NXNL2: variants seen among roughly 807,000 people sequenced by gnomAD.
NXNL2 encodes nucleoredoxin like 2.
In NXNL2, 7 loss-of-function variants were observed where a neutral mutation model predicts 11.1. That is an observed-to-expected ratio of 0.63 (90% CI 0.36 to 1.18). The LOEUF (loss-of-function observed/expected upper bound fraction) is 1.18, where lower values mean the gene tolerates loss of function less well. Ranked by LOEUF, NXNL2 falls within the 50% of genes most tolerant of loss-of-function variation. NXNL2 has a pLI of 0.02. For missense variants in NXNL2, 233 were observed against 217.7 expected, an observed-to-expected ratio of 1.07 and a Z score of -0.44; for synonymous variants, 109 against 101.8, an observed-to-expected ratio of 1.07 and a Z score of -0.42.
chr9:88,557,755 A>C (rs1196107790), intron 1 of NXNL2, among the ~76,000 whole-genome samples: 2 of 152,210 alleles, frequency 1.3e-5, no homozygotes, highest in Non-Finnish European at 2.9e-5. Flanking sequence ...ACCAGCAGCC[A>C]CTCATCAGAA....
downstream of NXNL2, among the ~76,000 whole-genome samples, chr9:88,577,264 C>T (rs1477389698): frequency 6.6e-6 from 1 of 151,660 alleles, no homozygotes; most frequent in East Asian, 1.9e-4. Flanking sequence ...CTTATTTCTA[C>T]TGCTCATGGA....
chr9:88,569,255 T>C (rs1830224826), intron 1 of NXNL2, among the ~76,000 whole-genome samples: 1 of 152,238 alleles, frequency 6.6e-6, no homozygotes, highest in Non-Finnish European at 1.5e-5. Flanking sequence ...TTAATGTTTT[T>C]TCCATACAAG....
chr9:88,555,721 C>G (rs1052115793), intron 1 of NXNL2, among the ~76,000 whole-genome samples: 1 of 152,170 alleles, frequency 6.6e-6, no homozygotes, highest in Non-Finnish European at 1.5e-5. Flanking sequence ...TGCCTTTGCT[C>G]GGGCTTTGCT....
chr9:88,568,625 A>G (rs1830213631), intron 1 of NXNL2, among the ~76,000 whole-genome samples: 1 of 152,182 alleles, frequency 6.6e-6, no homozygotes. Context: ...TGTTTGTCCT[A>G]TCAAGCTATT....
chr9:88,549,824 G>T (rs1587845949), downstream of NXNL2, among the ~76,000 whole-genome samples: 6 of 152,238 alleles, frequency 3.9e-5, no homozygotes, highest in South Asian at 1.2e-3. Context: ...GAGGGGGAAG[G>T]TGCCACACAC....
intron 1 of NXNL2, among the ~76,000 whole-genome samples, 183 bp downstream of exon 1, chr9:88,535,919 C>T (rs988996751): frequency 6.6e-6 from 1 of 152,076 alleles, no homozygotes; most frequent in African/African-American, 2.4e-5. Flanking sequence ...TCTTGGAGAC[C>T]AGGGAGGGTG....
intron 1 of NXNL2, among the ~76,000 whole-genome samples, chr9:88,543,368 G>A (rs1217903447): frequency 6.6e-6 from 1 of 151,810 alleles, no homozygotes; most frequent in Non-Finnish European, 1.5e-5. Flanking sequence ...CTGGGCTCAA[G>A]CGATCCTCCC....
intron 2 of NXNL2, among the ~76,000 whole-genome samples, chr9:88,574,041 C>A (rs986290353): frequency 9.9e-5 from 15 of 152,128 alleles, no homozygotes; most frequent in African/African-American, 3.6e-4. Context: ...CATGGTGCAG[C>A]CTCTTTGTAA....
chr9:88,568,931 G>T (rs957527131), intron 1 of NXNL2, among the ~76,000 whole-genome samples: 6 of 150,228 alleles, frequency 4.0e-5, no homozygotes, highest in African/African-American at 1.5e-4. Context: ...ATCTCTTGAT[G>T]AATTTTTTTT....
Position 88,535,325 on chromosome 9 carries a change from C to T in NXNL2, c.-110C>T. 9 of 1,150,450 alleles carry T rather than the reference C, an allele frequency of 7.8e-6. No homozygotes were observed. The highest frequency in any genetic ancestry group is 3.2e-5 in the South Asian group (2 of 62,600). 71.3% of individuals were successfully genotyped at this position (1,150,450 alleles called of 1,614,324 possible). On this transcript the variant is annotated 5_prime_UTR_variant, in exon 1 of 2. Coordinates refer to ENST00000375854, the MANE Select transcript of NXNL2 (RefSeq NM_001161625.2). ...GGGGCAGGTCTTGAGAGGTCCAGCG[C>T]CCGGTGGTGCGGACAGAGGCGGGGC...
At chr9:88,571,185 C>T (rs1448881552) in exon 2 of NXNL2, 2 of 303,364 alleles carry the variant, frequency 6.6e-6, no homozygotes, top group Non-Finnish European at 1.3e-5. Context: ...CTAGCCTTAG[C>T]CTCCTGAGCA....
chr9:88,563,697 C>A (rs1468446790), intron 1 of NXNL2, among the ~76,000 whole-genome samples: 1 of 152,198 alleles, frequency 6.6e-6, no homozygotes, highest in African/African-American at 2.4e-5. Flanking sequence ...TCCCCTATTT[C>A]TCTGCACCTC....
At position 88,563,465 on chromosome 9, in the gene NXNL2, C is replaced by A. The variant is rs568919413; in HGVS notation, c.303-7622C>A. On this transcript the variant is annotated intron_variant, in intron 1 of 2. Coordinates refer to the NXNL2 transcript ENST00000375855. Reference sequence around the variant, plus strand: ...CCGGTGCTTTAGGAGGCATCTATCTCGAACCGCCCACTCCCACCCTCCTTG... The same window carrying A: ...CCGGTGCTTTAGGAGGCATCTATCTAGAACCGCCCACTCCCACCCTCCTTG... Among the ~76,000 whole-genome samples, 5 of 152,200 alleles carry A rather than the reference C, an allele frequency of 3.3e-5. No individual in the cohort carries two copies. The South Asian group carries it at 1.0e-3, about 32-fold the overall frequency.
At chr9:88,543,607 A>C (rs1218532308) in intron 1 of NXNL2, among the ~76,000 whole-genome samples, 1 of 152,206 alleles carries the variant, frequency 6.6e-6, no homozygotes, top group East Asian at 1.9e-4. Context: ...GATATTTTTC[A>C]ACCCCTTGAG....
At position 88,535,326 on chromosome 9, in the gene NXNL2, C is replaced by T. The variant is rs1280766352; in HGVS notation, c.-109C>T. Reference sequence around the variant, plus strand: ...GGGCAGGTCTTGAGAGGTCCAGCGCCCGGTGGTGCGGACAGAGGCGGGGCA... The same window carrying T: ...GGGCAGGTCTTGAGAGGTCCAGCGCTCGGTGGTGCGGACAGAGGCGGGGCA... On this transcript the variant is annotated 5_prime_UTR_variant, in exon 1 of 2. Transcript: ENST00000375854. 24 of 1,155,816 alleles carry T rather than the reference C, an allele frequency of 2.1e-5. No individual in the cohort carries two copies. Among genetic ancestry groups the T allele is most frequent in the East Asian group, 1.5e-4 (6 of 39,248 alleles). The allele number at this position is 1,155,816 out of a possible 1,614,324, so 71.6% of individuals were successfully genotyped here. A position where few individuals can be genotyped will look rare whatever the true frequency, so the allele number is the denominator to read the frequency against.
chr9:88,572,194 T>C (rs1830276853), intron 2 of NXNL2, among the ~76,000 whole-genome samples: 1 of 152,168 alleles, frequency 6.6e-6, no homozygotes, highest in African/African-American at 2.4e-5. Flanking sequence ...TTAGTGTTGT[T>C]TCTGGGGCGT....
rs1829825114 is a variant in NXNL2, at chr9:88,544,715, C to T, written c.*168C>T. 1 of 1,397,784 alleles carries T rather than the reference C, an allele frequency of 7.2e-7. No individual in the cohort carries two copies. Among genetic ancestry groups the T allele is most frequent in the South Asian group, 1.7e-5 (1 of 59,416 alleles). 86.6% of individuals were successfully genotyped at this position (1,397,784 alleles called of 1,614,324 possible). A position where few individuals can be genotyped will look rare whatever the true frequency, so the allele number is the denominator to read the frequency against. ...AGCAACTATTGCTCAGGAAATAATA[C>T]ACTCCATATTTTGATCATGCAGGCT... On this transcript the variant is annotated 3_prime_UTR_variant, in exon 2 of 2. Transcript: ENST00000375854.
chr9:88,572,767 C>T (rs911714388), intron 2 of NXNL2, among the ~76,000 whole-genome samples: 21 of 152,164 alleles, frequency 1.4e-4, no homozygotes, highest in Non-Finnish European at 2.1e-4. Flanking sequence ...GAAGGAGGTC[C>T]GGCACTTTGA....
intron 1 of NXNL2, among the ~76,000 whole-genome samples, chr9:88,554,770 G>T (rs1587847979): frequency 6.6e-6 from 1 of 152,110 alleles, no homozygotes; most frequent in African/African-American, 2.4e-5. Flanking sequence ...CCTGAATGAG[G>T]CTCCTCTTTT....
Sources: gnomAD v4.1 joint callset for allele counts (sites outside exome capture counted in the v4.1 genomes callset) on GRCh38, gnomAD v4.1.1 for gene constraint, MANE v1.5 for transcripts, NCBI Gene and HGNC (gene_info 2026-07-23, HGNC 2026-07-21) for gene names.